The following SLC30A10 variants were observed in gnomAD, a reference collection of about 807,000 sequenced individuals.
SLC30A10 encodes solute carrier family 30 member 10.
SLC30A10 carries 8 observed loss-of-function variants against 21.7 expected under a neutral mutation model. The ratio of observed to expected loss-of-function variants is 0.37; its 90% CI spans 0.22 to 0.67. The LOEUF (loss-of-function observed/expected upper bound fraction) is 0.67. Ranked by LOEUF, SLC30A10 falls within the 30% of genes least tolerant of loss-of-function variation. SLC30A10 has a pLI of 0.58. For missense variants in SLC30A10, 521 were observed against 642.5 expected (o/e 0.81, Z 2.04); for synonymous variants, 272 against 279.4 (o/e 0.97, Z 0.26).
intron 1 of SLC30A10, among the ~76,000 whole-genome samples, chr1:219,944,404 C>T (rs534369769): frequency 1.3e-5 from 2 of 150,288 alleles, no homozygotes; most frequent in South Asian, 2.1e-4. Flanking sequence ...GCCGAGATCG[C>T]GCCACTGCAG....
chr1:219,947,650 C>T (rs149143498), intron 1 of SLC30A10, among the ~76,000 whole-genome samples: 5 of 152,176 alleles, frequency 3.3e-5, no homozygotes, highest in African/African-American at 7.2e-5. Context: ...GATATTATTG[C>T]CTCTCATTAA....
chr1:219,941,180 A>T (rs966842950), intron 1 of SLC30A10, among the ~76,000 whole-genome samples: 1 of 152,232 alleles, frequency 6.6e-6, no homozygotes, highest in African/African-American at 2.4e-5. Context: ...AGAATGAGAC[A>T]TTCAGTTGAA....
upstream of SLC30A10, among the ~76,000 whole-genome samples, chr1:219,929,884 C>G (rs948863254): frequency 1.3e-5 from 2 of 152,140 alleles, no homozygotes; most frequent in African/African-American, 2.4e-5. Context: ...GTAACTGTCT[C>G]CAGGACTCTG....
upstream of SLC30A10, among the ~76,000 whole-genome samples, chr1:219,929,717 T>G (rs1391065516): frequency 2.6e-5 from 4 of 152,126 alleles, no homozygotes; most frequent in African/African-American, 9.7e-5. Context: ...AGACAGGGTT[T>G]CACCATGTTG....
intron 2 of SLC30A10, among the ~76,000 whole-genome samples, chr1:219,922,176 G>GTGT (rs1558252071): frequency 1.1e-4 from 4 of 36,408 alleles, no homozygotes; most frequent in African/African-American, 4.5e-4. Context: ...GTGTGTGTGT[G>GTGT]TTTTTTTTTT....
At chr1:219,940,225 G>A (rs908116928) in intron 1 of SLC30A10, among the ~76,000 whole-genome samples, 1 of 152,198 alleles carries the variant, frequency 6.6e-6, no homozygotes, top group African/African-American at 2.4e-5. Context: ...CCACCCTAGT[G>A]CAAGGAAGCC....
At chr1:219,924,067 CAAAA>C (rs1659760076) in intron 2 of SLC30A10, among the ~76,000 whole-genome samples, 1 of 152,066 alleles carries the variant, frequency 6.6e-6, no homozygotes, top group African/African-American at 2.4e-5. Context: ...TCTCAAAAAA[CAAAA>C]CAAACAAACA....
chr1:219,933,260 C>G (rs1309732294), upstream of SLC30A10, among the ~76,000 whole-genome samples: 3 of 152,062 alleles, frequency 2.0e-5, no homozygotes, highest in African/African-American at 7.2e-5. Context: ...CTTGTTCTTG[C>G]AACGAAAGAG....
chr1:219,920,482 A>T lies in SLC30A10; in HGVS notation c.719-1988T>A, dbSNP rs148228846. Among the ~76,000 whole-genome samples, 10 of 152,308 alleles carry T rather than the reference A, an allele frequency of 6.6e-5. No homozygotes were observed. In the East Asian group the frequency reaches 1.9e-3, roughly 29 times the overall value. On this transcript the variant is annotated intron_variant, in intron 2 of 3. Coordinates refer to ENST00000366926, the MANE Select transcript of SLC30A10 (RefSeq NM_018713.3). ...GTTAGGTCCATTTCCTCCGTAAGTA[A>T]CATGAGGATCAGGGCCATACTCCAA... is the stretch of plus-strand genomic sequence containing the variant.
chr1:219,932,679 A>G (rs915764562), upstream of SLC30A10, among the ~76,000 whole-genome samples: 1 of 149,706 alleles, frequency 6.7e-6, no homozygotes, highest in African/African-American at 2.4e-5. Context: ...ATTAAACTTA[A>G]GAGATTCTTG....
chr1:219,923,114 T>C (rs1276167677), intron 2 of SLC30A10, among the ~76,000 whole-genome samples: 2 of 152,186 alleles, frequency 1.3e-5, no homozygotes, highest in Non-Finnish European at 2.9e-5. Context: ...AACAGCAAGC[T>C]CTGAATGTCA....
rs116758821 is a variant in SLC30A10, at chr1:219,953,053, T to G, written n.80+5515A>C. Among the ~76,000 whole-genome samples, 802 of 152,298 alleles carry G rather than the reference T, an allele frequency of 5.3e-3. 6 individuals are homozygous for G. Among genetic ancestry groups the G allele is most frequent in the Non-Finnish European group, 6.9e-3 (467 of 68,028 alleles). On this transcript the variant is annotated intron_variant and non_coding_transcript_variant, in intron 1 of 8. Transcript: ENST00000484239. ...ATGGGACAGATACTGTGATCTGTGG[T>G]GTGTGCATTCTTATCACCGAATCCT...
At chr1:219,929,319 C>T (rs1659928936), upstream of SLC30A10, among the ~76,000 whole-genome samples, 1 of 152,168 alleles carries the variant, frequency 6.6e-6, no homozygotes, top group Non-Finnish European at 1.5e-5. Flanking sequence ...AGCATGCACT[C>T]CTGCCTAGCA....
chr1:219,917,459 C>T (rs1452352815), intron 3 of SLC30A10, among the ~76,000 whole-genome samples: 4 of 152,140 alleles, frequency 2.6e-5, no homozygotes, highest in Non-Finnish European at 4.4e-5. Flanking sequence ...TGTCTCCTTC[C>T]CTCTCCCACC....
At chr1:219,925,586 G>C (rs1490532039) in intron 2 of SLC30A10, among the ~76,000 whole-genome samples, 5 of 142,586 alleles carry the variant, frequency 3.5e-5, no homozygotes, top group Non-Finnish European at 7.5e-5. Flanking sequence ...AAAAGTTAAA[G>C]CCTCTGATGG....
chr1:219,924,301 C>A (rs1659764683), intron 2 of SLC30A10, among the ~76,000 whole-genome samples: 2 of 152,080 alleles, frequency 1.3e-5, no homozygotes, highest in Non-Finnish European at 2.9e-5. Context: ...AGTCTAGAGG[C>A]AATGTGTGAT....
intron 1 of SLC30A10, among the ~76,000 whole-genome samples, chr1:219,935,140 G>A (rs150366669): frequency 8.2e-4 from 125 of 152,274 alleles, no homozygotes; most frequent in African/African-American, 2.9e-3. Context: ...TCAAATGGAA[G>A]CAAAAAGAAC....
chr1:219,920,734 T>A (rs1280242981), intron 2 of SLC30A10, among the ~76,000 whole-genome samples: 1 of 152,202 alleles, frequency 6.6e-6, no homozygotes, highest in Non-Finnish European at 1.5e-5. Context: ...TAAAAATAAG[T>A]AATGCAAAAT....
intron 1 of SLC30A10, among the ~76,000 whole-genome samples, chr1:219,938,394 C>T (rs1194704463): frequency 6.6e-6 from 1 of 152,194 alleles, no homozygotes; most frequent in Non-Finnish European, 1.5e-5. Flanking sequence ...TTCCCAGAGG[C>T]AGGATCACTT....
Sources: gnomAD v4.1 joint callset for allele counts (sites outside exome capture counted in the v4.1 genomes callset) on GRCh38, gnomAD v4.1.1 for gene constraint, MANE v1.5 for transcripts, NCBI Gene and HGNC (gene_info 2026-07-23, HGNC 2026-07-21) for gene names.